Variants in GRM7 observed in about 807,000 individuals in gnomAD.
GRM7 encodes glutamate metabotropic receptor 7, also known as metabotropic glutamate receptor 7.
GRM7 carries 35 observed loss-of-function variants against 84.5 expected under a neutral mutation model. The ratio of observed to expected loss-of-function variants is 0.41; its 90% CI spans 0.32 to 0.55. The LOEUF (loss-of-function observed/expected upper bound fraction) is 0.55, where lower values mean the gene tolerates loss of function less well. Ranked by LOEUF, GRM7 falls within the 20% of genes least tolerant of loss-of-function variation. The pLI, the probability that GRM7 is intolerant of heterozygous loss-of-function variation, is 0.19. For synonymous variants in GRM7, 487 were observed against 455.1 expected, an observed-to-expected ratio of 1.07 and a Z score of -0.89; for missense variants, 1,003 against 1,194.6, an observed-to-expected ratio of 0.84 and a Z score of 2.36.
chr3:7,479,180 GA>G (rs1699037755), intron 7 of GRM7, among the ~76,000 whole-genome samples: 1 of 152,070 alleles, frequency 6.6e-6, no homozygotes, highest in African/African-American at 2.4e-5. Flanking sequence ...GAAAGGGAAA[GA>G]GGCCAGGACA....
intron 1 of GRM7, among the ~76,000 whole-genome samples, chr3:6,925,452 A>G (rs1697266229): frequency 1.3e-5 from 2 of 152,336 alleles, no homozygotes; most frequent in East Asian, 1.9e-4. Flanking sequence ...GAATCAATCA[A>G]TCAATTTAAC....
intron 4 of GRM7, among the ~76,000 whole-genome samples, chr3:7,347,470 C>T (rs1261844512): frequency 6.6e-6 from 1 of 152,138 alleles, no homozygotes; most frequent in Non-Finnish European, 1.5e-5. Flanking sequence ...CTAGAAAACT[C>T]TATTTTGAGT....
At chr3:7,717,934 A>G (rs1701821158) in intron 9 of GRM7, among the ~76,000 whole-genome samples, 2 of 152,352 alleles carry the variant, frequency 1.3e-5, no homozygotes, top group South Asian at 4.1e-4. Flanking sequence ...ATGTCATTAA[A>G]TCTGCTCAGT....
chr3:6,937,747 G>A (rs1697739736), intron 1 of GRM7, among the ~76,000 whole-genome samples: 2 of 152,168 alleles, frequency 1.3e-5, no homozygotes, highest in African/African-American at 4.8e-5. Context: ...GAAATGCTGT[G>A]CTAATCTCAG....
chr3:7,727,231 A>G (rs892780115), intron 9 of GRM7, among the ~76,000 whole-genome samples: 1 of 152,160 alleles, frequency 6.6e-6, no homozygotes, highest in Admixed American at 6.5e-5. Flanking sequence ...TCACCCTTTA[A>G]TGTTAGGCAT....
At chr3:6,882,648 C>T (rs924456584) in intron 1 of GRM7, among the ~76,000 whole-genome samples, 1 of 152,138 alleles carries the variant, frequency 6.6e-6, no homozygotes, top group African/African-American at 2.4e-5. Flanking sequence ...TGTGGGGGTA[C>T]ACACAGGCAC....
At chr3:7,444,027 C>G (rs712785) in intron 5 of GRM7, among the ~76,000 whole-genome samples, 28,742 of 152,154 alleles carry the variant, frequency 0.19, 3,056 homozygotes, top group East Asian at 0.35. Flanking sequence ...TGTTGTCAAC[C>G]TGATCTATTC....
intron 6 of GRM7, among the ~76,000 whole-genome samples, chr3:7,453,597 G>A (rs928929308): frequency 1.1e-4 from 16 of 152,150 alleles, no homozygotes; most frequent in Non-Finnish European, 1.5e-4. Flanking sequence ...GGTCCTGAGA[G>A]TAGGAGTTTC....
At chr3:7,119,164 A>G (rs1318852245) in intron 1 of GRM7, among the ~76,000 whole-genome samples, 1 of 152,148 alleles carries the variant, frequency 6.6e-6, no homozygotes, top group Non-Finnish European at 1.5e-5. Context: ...TTATTCTGGC[A>G]TTCCAATAGT....
At chr3:7,380,523 T>A (rs1198406777) in intron 4 of GRM7, among the ~76,000 whole-genome samples, 4 of 152,190 alleles carry the variant, frequency 2.6e-5, no homozygotes, top group Non-Finnish European at 5.9e-5. Context: ...CTCAACCTTA[T>A]TCTTTGGCTT....
intron 1 of GRM7, among the ~76,000 whole-genome samples, chr3:7,144,155 C>T (rs1321611765): frequency 6.6e-6 from 1 of 152,088 alleles, no homozygotes; most frequent in African/African-American, 2.4e-5. Flanking sequence ...ACTGGCCTTC[C>T]TTTTTAATGC....
intron 5 of GRM7, among the ~76,000 whole-genome samples, chr3:7,421,598 G>C (rs1326352087): frequency 6.6e-6 from 1 of 151,914 alleles, no homozygotes; most frequent in Non-Finnish European, 1.5e-5. Flanking sequence ...CCTTCGGCGT[G>C]CATGATTTTT....
chr3:7,007,748 A>C (rs73128576), intron 1 of GRM7, among the ~76,000 whole-genome samples: 2,160 of 152,330 alleles, frequency 0.014, 60 homozygotes, highest in African/African-American at 0.05. Context: ...GTTCATCTGT[A>C]GATTGTTTCT....
chr3:7,142,299 C>T (rs932954175), intron 1 of GRM7, among the ~76,000 whole-genome samples: 1 of 152,022 alleles, frequency 6.6e-6, no homozygotes, highest in Non-Finnish European at 1.5e-5. Flanking sequence ...TCTGCTTTCA[C>T]ACTGCTATAA....
rs185633018 is a variant in GRM7 at position 7,225,561 on chromosome 3, T to A, written c.737-73123T>A. On this transcript the variant is annotated intron_variant, in intron 2 of 9. Transcript: ENST00000357716. ...TATATATGATATATAAATATATTTA[T>A]ATATACAATATTAAAGAAATTAATA... 1.8e-3 allele frequency among the ~76,000 whole-genome samples: 262 copies of A among 147,970 alleles called. 1 individual carries two copies. Among genetic ancestry groups the A allele is most frequent in the African/African-American group, 6.0e-3 (246 of 40,894 alleles).
chr3:7,208,263 A>C (rs886979357), intron 2 of GRM7, among the ~76,000 whole-genome samples: 21 of 152,114 alleles, frequency 1.4e-4, no homozygotes, highest in African/African-American at 5.1e-4. Context: ...AAGAATAGAT[A>C]TGGACCTGGC....
At chr3:7,481,085 T>C (rs941697952) in intron 7 of GRM7, among the ~76,000 whole-genome samples, 11 of 152,090 alleles carry the variant, frequency 7.2e-5, no homozygotes, top group African/African-American at 2.6e-4. Flanking sequence ...TGGTTTTTTT[T>C]TTTTCTTTTT....
intron 7 of GRM7, among the ~76,000 whole-genome samples, chr3:7,472,204 G>T (rs9850759): frequency 0.035 from 5,305 of 152,178 alleles, 302 homozygotes; most frequent in African/African-American, 0.12. Flanking sequence ...CTTGCCACAT[G>T]CCCAGTCTTG....
At chr3:7,105,041 A>T (rs1409959320) in intron 1 of GRM7, among the ~76,000 whole-genome samples, 3 of 151,854 alleles carry the variant, frequency 2.0e-5, no homozygotes, top group Non-Finnish European at 2.9e-5. Flanking sequence ...GCATTATCTT[A>T]TTCTCCTTTA....
Sources: allele counts gnomAD v4.1 joint callset (sites outside exome capture counted in the v4.1 genomes callset), GRCh38; gene constraint gnomAD v4.1.1; transcripts MANE v1.5; gene names NCBI Gene and HGNC (gene_info 2026-07-23, HGNC 2026-07-21).